The following DMGDH variants were observed in gnomAD, a reference collection of about 807,000 sequenced individuals.
The protein encoded by DMGDH is dimethylglycine dehydrogenase.
A neutral mutation model predicts 95.2 loss-of-function variants in DMGDH; 76 were observed. That is an observed-to-expected ratio of 0.80 (90% CI 0.66 to 0.97). DMGDH has a LOEUF of 0.97. Ranked by LOEUF, DMGDH falls within the 50% of genes least tolerant of loss-of-function variation. The pLI is 0.00. For missense variants in DMGDH, 987 were observed against 1,055.0 expected (o/e 0.94, Z 0.89); for synonymous variants, 345 against 377.6 (o/e 0.91, Z 1.00).
chr5:79,033,449 T>C, intron 7 of DMGDH, 41 bp from the exon 8 acceptor site: 1 of 1,609,336 alleles, frequency 6.2e-7, no homozygotes, highest in Non-Finnish European at 8.5e-7. Context: ...CTAACACATG[T>C]AGTTTTCAAA....
At chr5:79,056,500 G>A (rs992584939) in intron 2 of DMGDH, among the ~76,000 whole-genome samples, 3 of 151,896 alleles carry the variant, frequency 2.0e-5, no homozygotes, top group Admixed American at 1.3e-4. Flanking sequence ...CCAAGATCAC[G>A]CCTCTGCACT....
In DMGDH at chr5:78,998,147, GT is replaced by G. The variant is rs1211520937; in HGVS notation, c.2535del (p.Glu845AspfsTer5). On this transcript the variant is annotated frameshift_variant, in exon 16 of 16. Transcript: ENST00000255189. LOFTEE classifies it high-confidence loss of function. ...CTGGTTGGTTCGGTCAATACCAAAG[GT>G]TCTTGTATGATGACTGCTGGGTAAT... ...GKNYPAVIIQ[E>X]PLVLTEPTRN... 1 of 1,614,158 alleles carries G rather than the reference GT, an allele frequency of 6.2e-7. No individual in the cohort carries two copies. Among genetic ancestry groups the G allele is most frequent in the Admixed American group, 1.7e-5 (1 of 60,020 alleles).
At chr5:79,014,220 C>T (rs962140862) in intron 14 of DMGDH, among the ~76,000 whole-genome samples, 6 of 152,112 alleles carry the variant, frequency 3.9e-5, no homozygotes, top group Non-Finnish European at 8.8e-5. Flanking sequence ...GGCTAATTAG[C>T]GTTCAAATCA....
At chr5:79,045,260 G>A (rs894821789) in intron 5 of DMGDH, among the ~76,000 whole-genome samples, 4 of 152,240 alleles carry the variant, frequency 2.6e-5, no homozygotes, top group South Asian at 2.1e-4. Context: ...CAGGAAAGGG[G>A]AGATTGGTCT....
At chr5:79,026,723 A>G in intron 12 of DMGDH, 142 bp from the exon 13 acceptor site, 1 of 1,269,062 alleles carries the variant, frequency 7.9e-7, no homozygotes, top group South Asian at 1.3e-5. Context: ...ACCAGCTCAC[A>G]AAAAGTTACA....
intron 14 of DMGDH, among the ~76,000 whole-genome samples, chr5:79,009,463 G>C (rs1489465429): frequency 3.3e-5 from 5 of 151,026 alleles, no homozygotes; most frequent in Non-Finnish European, 7.4e-5. Flanking sequence ...CTGGGTTCAA[G>C]CAACTCTCTT....
At position 79,028,435 on chromosome 5, in the gene DMGDH, G is replaced by C; in HGVS notation, c.2030C>G (p.Thr677Ser). 1 of 1,608,544 alleles carries C rather than the reference G, an allele frequency of 6.2e-7. No homozygotes were observed. Among genetic ancestry groups the C allele is most frequent in the Non-Finnish European group, 8.5e-7 (1 of 1,174,990 alleles). The change falls in exon 12 of 16, where the codon ACT becomes AGT. Residue 677 changes from threonine (T) to serine (S), a missense_variant and splice_region_variant. Transcript: ENST00000255189. ...TCCAGGTTGTTTTCCAATCTTACCA[G>C]TATAAGATATCCTAATAGCAGTGAC... Reference protein sequence around the residue: ...IPVTAIRISYTGELGWELYHR... With the variant: ...IPVTAIRISYSGELGWELYHR...
rs149065040 is a variant in DMGDH, at chr5:79,009,702, G to A, written c.2251-4295C>T. ...CAATAAGTGCCATAAGTACAGACAGGAGGCTGCACCTGCCCATTGGCACAA... is the reference window on the plus strand; with the variant it reads ...CAATAAGTGCCATAAGTACAGACAGAAGGCTGCACCTGCCCATTGGCACAA... On this transcript the variant is annotated intron_variant, in intron 14 of 15. Transcript: ENST00000255189. Among the ~76,000 whole-genome samples, 895 of 152,246 alleles carry A rather than the reference G, an allele frequency of 5.9e-3. 4 individuals carry two copies. Among genetic ancestry groups the A allele is most frequent in the Admixed American group, 0.011 (167 of 15,282 alleles).
At chr5:79,058,097 G>T (rs1755083955) in intron 2 of DMGDH, among the ~76,000 whole-genome samples, 2 of 152,238 alleles carry the variant, frequency 1.3e-5, no homozygotes, top group South Asian at 2.1e-4. Context: ...TCAAGGAAAA[G>T]TTAGTCTCCC....
At chr5:79,031,380 CAG>C (rs1169855084) in intron 9 of DMGDH, among the ~76,000 whole-genome samples, 2 of 152,176 alleles carry the variant, frequency 1.3e-5, no homozygotes, top group Non-Finnish European at 2.9e-5. Flanking sequence ...CTAATTAAAT[CAG>C]AGTGTCTGGG....
At chr5:79,037,772 C>A (rs1442780970) in intron 7 of DMGDH, among the ~76,000 whole-genome samples, 1 of 152,222 alleles carries the variant, frequency 6.6e-6, no homozygotes, top group African/African-American at 2.4e-5. Flanking sequence ...TCAGAACATG[C>A]CTTACAGTCA....
At chr5:79,043,333 G>C (rs530545459) in intron 6 of DMGDH, among the ~76,000 whole-genome samples, 1 of 152,162 alleles carries the variant, frequency 6.6e-6, no homozygotes, top group Non-Finnish European at 1.5e-5. Flanking sequence ...GCCAGCATGG[G>C]GGAACAGCAG....
intron 7 of DMGDH, among the ~76,000 whole-genome samples, chr5:79,040,296 CA>C (rs1196222018): frequency 6.6e-6 from 1 of 152,154 alleles, no homozygotes; most frequent in African/African-American, 2.4e-5. Context: ...AAATACCACA[CA>C]TTTGGTGTAA....
At position 79,028,646 on chromosome 5, in the gene DMGDH, T is replaced by C. The variant is rs768724721; in HGVS notation, c.1819A>G (p.Ile607Val). ...CCACCTTTGACTGCTTCTTCTTCAA[T>C]CCATCTGCGTTTTAGTCATGAACAT... is the stretch of plus-strand genomic sequence containing the variant. ...SGSELHDLRW[I>V]EEEAVKGGYD... The change falls in exon 12 of 16, where the codon ATT (isoleucine) becomes GTT (valine). Residue 607 changes from isoleucine (I) to valine (V), a missense_variant. Transcript: ENST00000255189. The C allele has an allele frequency of 5.6e-6, 9 of 1,614,142 alleles. No homozygotes were observed. In the South Asian group the frequency reaches 8.8e-5, roughly 16 times the overall value.
At chr5:79,000,252 C>T in intron 15 of DMGDH, 3 of 639,926 alleles carry the variant, frequency 4.7e-6, no homozygotes, top group South Asian at 1.4e-5. Context: ...ATACCACCAC[C>T]ATGATATTCC....
intron 7 of DMGDH, among the ~76,000 whole-genome samples, chr5:79,040,372 T>C (rs1463836148): frequency 6.6e-6 from 1 of 152,240 alleles, no homozygotes; most frequent in East Asian, 1.9e-4. Context: ...GAATAGTCTT[T>C]TCAATGAATA....
At chr5:79,025,904 A>C (rs1753989710) in intron 13 of DMGDH, among the ~76,000 whole-genome samples, 1 of 152,224 alleles carries the variant, frequency 6.6e-6, no homozygotes. Context: ...GAGGTAATGG[A>C]GAGTTGAGAA....
chr5:79,026,654 C>T (rs1323707169), intron 12 of DMGDH, 73 bp from the exon 13 acceptor site: 11 of 1,593,864 alleles, frequency 6.9e-6, no homozygotes, highest in Admixed American at 1.7e-5. Flanking sequence ...TTAGCTAGAA[C>T]ACATATAAGC....
At chr5:79,042,702 T>C (rs1208674243) in intron 6 of DMGDH, among the ~76,000 whole-genome samples, 1 of 152,200 alleles carries the variant, frequency 6.6e-6, no homozygotes, top group African/African-American at 2.4e-5. Flanking sequence ...TCATAAAAGT[T>C]AACCTTTAAT....
Sources: allele counts gnomAD v4.1 joint callset (sites outside exome capture counted in the v4.1 genomes callset), GRCh38; gene constraint gnomAD v4.1.1; transcripts MANE v1.5; gene names NCBI Gene and HGNC (gene_info 2026-07-23, HGNC 2026-07-21).